CMYA5: variants seen among roughly 807,000 people sequenced by gnomAD.
The protein encoded by CMYA5 is cardiomyopathy-associated protein 5.
A neutral mutation model predicts 318.9 loss-of-function variants in CMYA5; 246 were observed. The ratio of observed to expected loss-of-function variants is 0.77; its 90% CI spans 0.70 to 0.86. CMYA5 has a LOEUF of 0.86. Among genes scored for constraint, CMYA5 ranks in the 40% least tolerant of loss-of-function variants. The pLI, the probability that CMYA5 is intolerant of heterozygous loss-of-function variation, is 0.00. For synonymous variants in CMYA5, 1,641 were observed against 1,729.5 expected, an observed-to-expected ratio of 0.95 and a Z score of 1.27; for missense variants, 4,589 against 4,678.2, an observed-to-expected ratio of 0.98 and a Z score of 0.56.
rs375526745 is a variant in CMYA5, at chr5:79,799,356, C to A, written c.11964-14C>A. 6.3e-6 allele frequency: 10 copies of A among 1,582,924 alleles called. No individual in the cohort carries two copies. Among genetic ancestry groups the A allele is most frequent in the South Asian group, 5.7e-5 (5 of 88,050 alleles). On this transcript the variant is annotated splice_polypyrimidine_tract_variant and intron_variant, in intron 12 of 12. Coordinates refer to ENST00000446378, the MANE Select transcript of CMYA5 (RefSeq NM_153610.5). ...TTTCCAGAGTTTTATGTTTCCCATT[C>A]GCTTTCATTTCAGATACACATTTTT...
chr5:79,758,415 C>T (rs889177620), intron 6 of CMYA5, among the ~76,000 whole-genome samples: 1 of 151,780 alleles, frequency 6.6e-6, no homozygotes, highest in Admixed American at 6.6e-5. Context: ...GCCTATAATC[C>T]CAGCAACTTG....
chr5:79,795,619 C>T lies in CMYA5; in HGVS notation c.11963+2009C>T, dbSNP rs183684520. On this transcript the variant is annotated intron_variant, in intron 12 of 12. Transcript: ENST00000446378. ...TTTCATCATGTCCCTGCCTTTTCTG[C>T]TCAAAAATCTACAAACATCTACAGT... Among the ~76,000 whole-genome samples, 59 of 152,332 alleles carry T rather than the reference C, an allele frequency of 3.9e-4. No homozygotes were observed. The East Asian group carries it at 0.01, about 26-fold the overall frequency.
Position 79,738,835 on chromosome 5 carries a change from G to A in CMYA5, c.10070G>A (p.Ser3357Asn), listed in dbSNP as rs201001003. Residue 3357 changes from serine (S) to asparagine (N), a missense_variant, in exon 2 of 13, where the codon AGT becomes AAT. Ser to Asn is a conservative substitution (Grantham distance 46). This residue lies in a region of CMYA5 where 2,431 missense variants were observed against 2,495.1 expected (regional missense o/e 0.97). Transcript: ENST00000446378. Reference protein sequence around the residue: ...HVLERADEAGSHGNEVGNASP... With the variant: ...HVLERADEAGNHGNEVGNASP... The stretch of plus-strand genomic sequence containing the variant: ...CTGGAGCGTGCAGATGAAGCAGGCA[G>A]TCACGGTAATGAAGTCGGAAATGCA... The A allele has an allele frequency of 1.6e-5, 26 of 1,613,910 alleles. No individual in the cohort carries two copies. The highest frequency in any genetic ancestry group is 2.2e-5 in the Non-Finnish European group (26 of 1,179,854).
At chr5:79,788,212 C>CTT (rs35939521) in intron 9 of CMYA5, among the ~76,000 whole-genome samples, 4 of 141,980 alleles carry the variant, frequency 2.8e-5, no homozygotes, top group Admixed American at 7.1e-5. Flanking sequence ...GCCCTGCTTG[C>CTT]TTTTTTTTTT....
At position 79,799,419 on chromosome 5, in the gene CMYA5, C is replaced by A; in HGVS notation, c.12013C>A (p.Arg4005Ser). Residue 4005 changes from arginine (R) to serine (S), a missense_variant, in exon 13 of 13, where the codon CGT becomes AGT. By Grantham distance (110) the Arg-to-Ser change is moderately radical. Coordinates refer to ENST00000446378, the MANE Select transcript of CMYA5 (RefSeq NM_153610.5). ...TGTGAGTGATGTTCATGTGACTGAG[C>A]GTCCAGCCAGAGTGGGCATCCTGCT... The part of the protein sequence containing the change: ...GIVSDVHVTE[R>S]PARVGILLDY... 1 of 1,613,588 alleles carries A rather than the reference C, an allele frequency of 6.2e-7. No individual in the cohort carries two copies. Among genetic ancestry groups the A allele is most frequent in the Non-Finnish European group, 8.5e-7 (1 of 1,179,544 alleles).
At chr5:79,742,762 A>G (rs114660641) in intron 2 of CMYA5, among the ~76,000 whole-genome samples, 50,830 of 149,206 alleles carry the variant, frequency 0.34, 8,667 homozygotes, top group East Asian at 0.44. Context: ...TTGAGAGTGA[A>G]AAAAAAAAAA....
chr5:79,739,272 G>C lies in CMYA5; in HGVS notation c.10507G>C (p.Glu3503Gln), dbSNP rs148631314. ...GGTAGTAACTGAAAAGGCACAAAAA[G>C]AGCTGAAAAAGTCCCAGATTGACAC... is the stretch of plus-strand genomic sequence containing the variant. ...SEVVTEKAQK[E>Q]LKKSQIDTYC... Residue 3503 changes from glutamate (E) to glutamine (Q), a missense_variant, in exon 2 of 13, where the codon GAG becomes CAG. This residue lies in a region of CMYA5 where 2,431 missense variants were observed against 2,495.1 expected (regional missense o/e 0.97). Coordinates refer to ENST00000446378, the MANE Select transcript of CMYA5 (RefSeq NM_153610.5). 9.7e-4 allele frequency: 1,565 copies of C among 1,611,058 alleles called. 5 individuals are homozygous for C. In the Middle Eastern group the frequency reaches 0.011, roughly 11 times the overall value.
chr5:79,727,296 C>T (rs1465909438), intron 1 of CMYA5, among the ~76,000 whole-genome samples: 1 of 152,096 alleles, frequency 6.6e-6, no homozygotes, highest in African/African-American at 2.4e-5. Context: ...AGACCAGACC[C>T]TCGTACAATT....
chr5:79,793,735 G>A, intron 12 of CMYA5, 125 bp downstream of exon 12: 1 of 812,492 alleles, frequency 1.2e-6, no homozygotes, highest in Non-Finnish European at 1.9e-6. Context: ...AACTAAGAAA[G>A]AAAACAAGAG....
intron 1 of CMYA5, among the ~76,000 whole-genome samples, chr5:79,709,472 G>T (rs1487168379): frequency 6.6e-6 from 1 of 151,990 alleles, no homozygotes; most frequent in Non-Finnish European, 1.5e-5. Flanking sequence ...ATCAAAGTAT[G>T]GTTTTCTTTC....
At chr5:79,788,592 C>T (rs796925418) in intron 9 of CMYA5, among the ~76,000 whole-genome samples, 21 of 151,424 alleles carry the variant, frequency 1.4e-4, no homozygotes, top group African/African-American at 5.1e-4. Context: ...GCATGATGAT[C>T]ATGTACAAAA....
At position 79,731,539 on chromosome 5, in the gene CMYA5, T is replaced by C. The variant is rs1314852555; in HGVS notation, c.2774T>C (p.Leu925Pro). ...GAAATTGTCCATAGATCTCTAAATCTAAAAGGTGCATCCTCACCCATGAAT... is the reference window on the plus strand; with the variant it reads ...GAAATTGTCCATAGATCTCTAAATCCAAAAGGTGCATCCTCACCCATGAAT... ...EEEIVHRSLN[L>P]KGASSPMNLS... The change falls in exon 2 of 13, where the codon CTA becomes CCA. Residue 925 changes from leucine (L) to proline (P), a missense_variant. Leu to Pro is a moderately conservative substitution (Grantham distance 98, BLOSUM62 -3). Coordinates refer to ENST00000446378, the MANE Select transcript of CMYA5 (RefSeq NM_153610.5). The C allele has an allele frequency of 1.2e-6, 2 of 1,604,882 alleles. No individual in the cohort carries two copies. Among genetic ancestry groups the C allele is most frequent in the African/African-American group, 2.7e-5 (2 of 74,704 alleles).
At chr5:79,707,082 T>G (rs933224074) in intron 1 of CMYA5, among the ~76,000 whole-genome samples, 20 of 152,346 alleles carry the variant, frequency 1.3e-4, no homozygotes, top group African/African-American at 4.3e-4. Flanking sequence ...GTGTCTTTTC[T>G]CTAATTTTCT....
chr5:79,725,480 G>A (rs1827729193), intron 1 of CMYA5, among the ~76,000 whole-genome samples: 1 of 152,116 alleles, frequency 6.6e-6, no homozygotes, highest in African/African-American at 2.4e-5. Context: ...GAGGAGGGAG[G>A]GGTAAGAGCT....
chr5:79,770,867 G>A (rs1828842998), intron 9 of CMYA5, among the ~76,000 whole-genome samples: 1 of 152,156 alleles, frequency 6.6e-6, no homozygotes, highest in African/African-American at 2.4e-5. Context: ...GTTGAAGACA[G>A]GCTTCACAAA....
intron 4 of CMYA5, among the ~76,000 whole-genome samples, chr5:79,746,329 C>G (rs1466096907): frequency 6.6e-6 from 1 of 152,120 alleles, no homozygotes; most frequent in East Asian, 1.9e-4. Context: ...GGGGACAGCT[C>G]TTGCCAGGGC....
intron 5 of CMYA5, among the ~76,000 whole-genome samples, chr5:79,749,105 G>A (rs988003635): frequency 6.6e-6 from 1 of 152,094 alleles, no homozygotes; most frequent in Non-Finnish European, 1.5e-5. Context: ...TCATCTGTGT[G>A]TCATTTTAAT....
intron 1 of CMYA5, among the ~76,000 whole-genome samples, chr5:79,708,874 C>T (rs1403788950): frequency 3.9e-5 from 6 of 152,096 alleles, no homozygotes; most frequent in Non-Finnish European, 8.8e-5. Context: ...GCGGAGGTTG[C>T]AGTAAGCTGA....
rs766183238 is a variant in CMYA5 at position 79,735,515 on chromosome 5, A to T, written c.6750A>T (p.Arg2250Ser). The change falls in exon 2 of 13, where the codon AGA (arginine) becomes AGT (serine). Residue 2250 changes from arginine (R) to serine (S), a missense_variant. Arg to Ser is a moderately radical substitution (Grantham distance 110, BLOSUM62 -1). Transcript: ENST00000446378. ...EVKLKTADEP[R>S]GTLVKSGDGQ... is the part of the protein sequence containing the mutation. The stretch of plus-strand genomic sequence containing the variant: ...AACTTAAAACTGCTGATGAACCCAG[A>T]GGTACTTTAGTAAAATCTGGTGACG... The T allele has an allele frequency of 8.1e-6, 13 of 1,613,304 alleles. No individual in the cohort carries two copies. Among genetic ancestry groups the T allele is most frequent in the Non-Finnish European group, 1.1e-5 (13 of 1,179,674 alleles).
Sources: gnomAD v4.1 joint callset for allele counts (sites outside exome capture counted in the v4.1 genomes callset) on GRCh38, gnomAD v4.1.1 for gene constraint, gnomAD v4.1.1 regional missense constraint, MANE v1.5 for transcripts, NCBI Gene and HGNC (gene_info 2026-07-23, HGNC 2026-07-21) for gene names.